The following FRAS1 variants were observed in gnomAD, a reference collection of about 807,000 sequenced individuals.
FRAS1 encodes the protein Fraser extracellular matrix complex subunit 1.
FRAS1 carries 290 observed loss-of-function variants against 435.2 expected under a neutral mutation model. That is an observed-to-expected ratio of 0.67 (90% CI 0.61 to 0.73). The LOEUF (loss-of-function observed/expected upper bound fraction) is 0.73, where lower values mean the gene tolerates loss of function less well. FRAS1 is among the 30% of genes least tolerant of loss of function. The pLI is 0.00. For missense variants in FRAS1, 4,860 were observed against 5,001.5 expected (o/e 0.97, Z 0.85); for synonymous variants, 1,800 against 1,851.0 (o/e 0.97, Z 0.71).
chr4:78,091,718 C>T (rs1741535533), intron 2 of FRAS1, among the ~76,000 whole-genome samples: 1 of 151,770 alleles, frequency 6.6e-6, no homozygotes, highest in Non-Finnish European at 1.5e-5. Context: ...TATTCACAGG[C>T]AAGGTCATAG....
intron 2 of FRAS1, among the ~76,000 whole-genome samples, chr4:78,187,377 G>T (rs999018253): frequency 3.3e-5 from 5 of 152,232 alleles, no homozygotes; most frequent in Admixed American, 2.0e-4. Flanking sequence ...ATTTACAAAG[G>T]TGTGGAGGGG....
intron 61 of FRAS1, among the ~76,000 whole-genome samples, chr4:78,501,132 AC>A (rs1720670081): frequency 6.6e-6 from 1 of 151,958 alleles, no homozygotes; most frequent in Admixed American, 6.6e-5. Context: ...TCATCCTCCA[AC>A]AGGCCCCATT....
chr4:78,145,564 A>G (rs1250566386), intron 2 of FRAS1, among the ~76,000 whole-genome samples: 1 of 152,206 alleles, frequency 6.6e-6, no homozygotes, highest in Non-Finnish European at 1.5e-5. Context: ...TAACTGAGCT[A>G]TGAGAAGCTC....
intron 1 of FRAS1, 150 bp from the exon 2 acceptor site, chr4:78,065,835 G>C: frequency 1.5e-6 from 1 of 666,094 alleles, no homozygotes; most frequent in Non-Finnish European, 2.7e-6. Flanking sequence ...TTCCCCAGGG[G>C]AAGAATGCTG....
At chr4:78,395,920 G>C (rs1484348) in intron 29 of FRAS1, among the ~76,000 whole-genome samples, 21,202 of 151,704 alleles carry the variant, frequency 0.14, 1,870 homozygotes, top group African/African-American at 0.25. Flanking sequence ...TGTAGTTCCT[G>C]TCTTCCTTTC....
At chr4:78,337,590 T>C (rs761504504) in intron 19 of FRAS1, 84 bp from the exon 20 acceptor site, 29 of 1,446,186 alleles carry the variant, frequency 2.0e-5, no homozygotes, top group Middle Eastern at 3.7e-4. Flanking sequence ...CTGCTTTTAA[T>C]GTAATTTGTG....
chr4:78,237,887 C>T (rs1366574945), intron 3 of FRAS1, among the ~76,000 whole-genome samples: 2 of 152,220 alleles, frequency 1.3e-5, no homozygotes, highest in Non-Finnish European at 2.9e-5. Context: ...AATGTTATCC[C>T]ATTTAATATT....
At chr4:78,128,115 G>T (rs191403499) in intron 2 of FRAS1, among the ~76,000 whole-genome samples, 9,162 of 152,066 alleles carry the variant, frequency 0.06, 736 homozygotes, top group African/African-American at 0.19. Flanking sequence ...GTATTCCGTG[G>T]TGTATATGTG....
At chr4:78,286,347 G>A in intron 13 of FRAS1, 58 bp from the exon 14 acceptor site, 1 of 1,602,054 alleles carries the variant, frequency 6.2e-7, no homozygotes, top group East Asian at 2.2e-5. Flanking sequence ...CATGGGGGTG[G>A]TGTCTTTCAG....
intron 29 of FRAS1, among the ~76,000 whole-genome samples, chr4:78,398,514 G>A (rs1460467527): frequency 6.6e-6 from 1 of 152,198 alleles, no homozygotes; most frequent in African/African-American, 2.4e-5. Context: ...CCAAGATGGA[G>A]ATATAGTGGG....
intron 18 of FRAS1, chr4:78,319,222 G>T (rs980520632): frequency 3.5e-5 from 19 of 549,354 alleles, no homozygotes; most frequent in Non-Finnish European, 5.6e-5. Context: ...CTTTTCCAAG[G>T]TTCCATTCGC....
At chr4:78,074,262 G>C (rs1341940374) in intron 2 of FRAS1, among the ~76,000 whole-genome samples, 2 of 152,118 alleles carry the variant, frequency 1.3e-5, no homozygotes, top group Non-Finnish European at 2.9e-5. Flanking sequence ...TAGTGAGCAG[G>C]AGGGAATTAT....
Position 78,509,002 on chromosome 4 carries a change from A to G in FRAS1, c.9776A>G (p.His3259Arg), listed in dbSNP as rs768254492. Residue 3259 changes from histidine (H) to arginine (R), a missense_variant, in exon 63 of 74, where the codon CAC becomes CGC. His to Arg is a conservative substitution (Grantham distance 29, BLOSUM62 0). Transcript: ENST00000512123. ...TDNTPFTSVNHMVLDSIYFSR... is the reference protein window; with the variant it reads ...TDNTPFTSVNRMVLDSIYFSR... ...AACACACCATTCACCAGTGTCAACCACATGGTAGGTCTGGGGGTCTGGGCC... is the reference window on the plus strand; with the variant it reads ...AACACACCATTCACCAGTGTCAACCGCATGGTAGGTCTGGGGGTCTGGGCC... 2 of 1,613,898 alleles carry G rather than the reference A, an allele frequency of 1.2e-6. No individual in the cohort carries two copies. The highest frequency in any genetic ancestry group is 3.3e-5 in the Admixed American group (2 of 60,016).
At chr4:78,420,761 A>G (rs931127192) in intron 33 of FRAS1, among the ~76,000 whole-genome samples, 5 of 151,494 alleles carry the variant, frequency 3.3e-5, no homozygotes, top group Non-Finnish European at 7.4e-5. Context: ...TCATAATTAC[A>G]TTACCAAGTC....
intron 2 of FRAS1, among the ~76,000 whole-genome samples, chr4:78,165,161 G>A (rs1047508464): frequency 2.0e-5 from 3 of 152,146 alleles, no homozygotes; most frequent in African/African-American, 7.2e-5. Context: ...AGGTATGATA[G>A]AGCTGACCCA....
chr4:78,057,842 CT>C lies in FRAS1; in HGVS notation c.-167del. ...CCCAGCCCGCTCCGGCGCCTCCGGG[CT>C]GATGAGTGTCGCTCTCCGCCCGTCC... On this transcript the variant is annotated 5_prime_UTR_variant, in exon 1 of 74. Transcript: ENST00000512123. This position sits in a 1 kb window ranked among gnomAD's most constrained non-coding sequence, Gnocchi z 4.2. The C allele has an allele frequency of 1.6e-6, 1 of 618,554 alleles. No homozygotes were observed. Among genetic ancestry groups the C allele is most frequent in the Non-Finnish European group, 2.8e-6 (1 of 352,878 alleles). 38.3% of individuals were successfully genotyped at this position (618,554 alleles called of 1,614,324 possible). A position where few individuals can be genotyped will look rare whatever the true frequency, so the allele number is the denominator to read the frequency against.
At chr4:78,518,014 G>A (rs1721262592) in intron 66 of FRAS1, among the ~76,000 whole-genome samples, 1 of 152,100 alleles carries the variant, frequency 6.6e-6, no homozygotes, top group Non-Finnish European at 1.5e-5. Context: ...TACTTTGGGA[G>A]GCTGAGGCTG....
chr4:78,466,342 C>G lies in FRAS1; in HGVS notation c.7164C>G (p.Ser2388Arg), dbSNP rs1719528315. The G allele has an allele frequency of 6.2e-7, 1 of 1,613,858 alleles. No homozygotes were observed. The change falls in exon 50 of 74, where the codon AGC becomes AGG. Residue 2388 changes from serine to arginine, a missense_variant. Coordinates refer to ENST00000512123, the MANE Select transcript of FRAS1 (RefSeq NM_025074.7). ...TCTACCAGAACCGGGTCAGCTACAGCCATGACGGCAGTAACTCCCTCAAGG... is the reference window on the plus strand; with the variant it reads ...TCTACCAGAACCGGGTCAGCTACAGGCATGACGGCAGTAACTCCCTCAAGG... ...KDIYQNRVSY[S>R]HDGSNSLKDR...
At chr4:78,308,041 C>G (rs374989081) in intron 14 of FRAS1, 25 bp from the exon 15 acceptor site, 106 of 1,574,972 alleles carry the variant, frequency 6.7e-5, no homozygotes, top group Non-Finnish European at 8.7e-5. Flanking sequence ...GTAGATTACT[C>G]ACTGATTTTG....
Sources: gnomAD v4.1 joint callset for allele counts (sites outside exome capture counted in the v4.1 genomes callset) on GRCh38, gnomAD v4.1.1 for gene constraint, Gnocchi (gnomAD v3.1) non-coding constraint, MANE v1.5 for transcripts, NCBI Gene and HGNC (gene_info 2026-07-23, HGNC 2026-07-21) for gene names.